Variants in SCHIP1 observed in about 807,000 individuals in gnomAD.
SCHIP1 encodes the protein schwannomin-interacting protein 1.
A neutral mutation model predicts 29.7 loss-of-function variants in SCHIP1; 8 were observed. The observed-to-expected ratio is 0.27, with a 90% CI of 0.16 to 0.49. SCHIP1 has a LOEUF of 0.49. Among genes scored for constraint, SCHIP1 ranks in the 20% least tolerant of loss-of-function variants. SCHIP1 has a pLI of 0.99. For synonymous variants in SCHIP1, 76 were observed against 94.9 expected (o/e 0.80, Z 1.16); for missense variants, 193 against 294.6 (o/e 0.66, Z 2.52).
the SCHIP1 span, among the ~76,000 whole-genome samples, chr3:159,834,379 A>T: frequency 1.3e-5 from 2 of 152,192 alleles, no homozygotes; most frequent in African/African-American, 4.8e-5. Flanking sequence ...AGCAAACAAA[A>T]TATTCGGAGG....
At chr3:159,385,275 C>G in the SCHIP1 span, among the ~76,000 whole-genome samples, 2 of 152,176 alleles carry the variant, frequency 1.3e-5, no homozygotes, top group Non-Finnish European at 2.9e-5. Context: ...AACAGTTGAA[C>G]AACCGCACAT....
chr3:159,515,334 T>G, the SCHIP1 span, among the ~76,000 whole-genome samples: 1 of 152,226 alleles, frequency 6.6e-6, no homozygotes, highest in African/African-American at 2.4e-5. Context: ...TTTGTCCTTT[T>G]GCCAGCATCC....
At chr3:159,387,471 G>T in the SCHIP1 span, 2 of 196,196 alleles carry the variant, frequency 1.0e-5, no homozygotes, top group East Asian at 1.6e-4. Flanking sequence ...AGACCCTCCC[G>T]CAGTCCTGGT....
chr3:159,793,809 C>T, the SCHIP1 span, among the ~76,000 whole-genome samples: 1 of 152,194 alleles, frequency 6.6e-6, no homozygotes, highest in Admixed American at 6.5e-5. Context: ...CCACTTGCCT[C>T]AGTATCTCAA....
the SCHIP1 span, among the ~76,000 whole-genome samples, chr3:159,805,937 T>G: frequency 6.6e-6 from 1 of 151,598 alleles, no homozygotes; most frequent in Non-Finnish European, 1.5e-5. Context: ...GCGTCCCGAG[T>G]AGCTGGGACT....
the SCHIP1 span, among the ~76,000 whole-genome samples, chr3:159,358,344 G>A: frequency 6.6e-6 from 1 of 152,212 alleles, no homozygotes; most frequent in Non-Finnish European, 1.5e-5. Flanking sequence ...CAGAACCACA[G>A]CAGGAAAAGG....
chr3:159,895,141 C>T (rs1316320134), intron 6 of SCHIP1, among the ~76,000 whole-genome samples: 1 of 152,196 alleles, frequency 6.6e-6, no homozygotes, highest in African/African-American at 2.4e-5. Context: ...TCTTGTTACA[C>T]ATCAACAGGG....
chr3:159,434,604 G>A, the SCHIP1 span, among the ~76,000 whole-genome samples: 1 of 152,084 alleles, frequency 6.6e-6, no homozygotes, highest in Non-Finnish European at 1.5e-5. Context: ...GGAGGCATGA[G>A]GAATTTCCAT....
chr3:159,784,011 G>T, the SCHIP1 span, among the ~76,000 whole-genome samples: 1 of 152,194 alleles, frequency 6.6e-6, no homozygotes. Context: ...TGCTTTGCAG[G>T]CAGGTCCAAG....
At chr3:159,584,266 G>A in the SCHIP1 span, among the ~76,000 whole-genome samples, 6 of 152,144 alleles carry the variant, frequency 3.9e-5, no homozygotes, top group African/African-American at 9.7e-5. Context: ...GATACACTGC[G>A]GAACTCCGGG....
the SCHIP1 span, among the ~76,000 whole-genome samples, chr3:159,424,916 C>T: frequency 6.6e-6 from 1 of 152,068 alleles, no homozygotes; most frequent in East Asian, 1.9e-4. Context: ...GATTTTCAAG[C>T]CAGAATTTCA....
At chr3:159,610,574 A>ATC in the SCHIP1 span, among the ~76,000 whole-genome samples, 12 of 152,184 alleles carry the variant, frequency 7.9e-5, no homozygotes, top group Admixed American at 7.2e-4. Context: ...TCATTAGGGT[A>ATC]TCTCTCTTTC....
chr3:159,569,745 T>C, the SCHIP1 span, among the ~76,000 whole-genome samples: 4 of 152,186 alleles, frequency 2.6e-5, no homozygotes, highest in African/African-American at 9.6e-5. Flanking sequence ...AATTGCCACA[T>C]TGTCTTCCAC....
the SCHIP1 span, among the ~76,000 whole-genome samples, chr3:159,608,093 G>T: frequency 1.3e-5 from 2 of 152,138 alleles, no homozygotes; most frequent in African/African-American, 4.8e-5. Flanking sequence ...GTGGGCTCAA[G>T]GCAAAGTTAT....
At chr3:159,844,520 C>T (rs1324794216) in intron 1 of SCHIP1, among the ~76,000 whole-genome samples, 1 of 152,160 alleles carries the variant, frequency 6.6e-6, no homozygotes, top group East Asian at 1.9e-4. Flanking sequence ...GGTCTTAGCC[C>T]TGTTAAAAGA....
the SCHIP1 span, among the ~76,000 whole-genome samples, chr3:159,293,336 C>G: frequency 1.3e-5 from 2 of 152,148 alleles, no homozygotes; most frequent in African/African-American, 4.8e-5. Flanking sequence ...GGGAAAACAT[C>G]TATTTTCAAA....
chr3:159,487,401 T>A, the SCHIP1 span, among the ~76,000 whole-genome samples: 6 of 152,138 alleles, frequency 3.9e-5, no homozygotes, highest in Non-Finnish European at 8.8e-5. Flanking sequence ...TTTTTGGATG[T>A]TCCCCACATT....
chr3:159,670,844 C>T, the SCHIP1 span, among the ~76,000 whole-genome samples: 1 of 151,832 alleles, frequency 6.6e-6, no homozygotes, highest in South Asian at 2.1e-4. Flanking sequence ...TAGTGTTCTC[C>T]CTCTCTTGCT....
the SCHIP1 span, among the ~76,000 whole-genome samples, chr3:159,595,613 C>CTT: frequency 2.6e-4 from 39 of 152,172 alleles, no homozygotes; most frequent in African/African-American, 8.7e-4. Context: ...GAGATGAAAA[C>CTT]TAGATTTTTA....
Sources: allele counts gnomAD v4.1 joint callset (sites outside exome capture counted in the v4.1 genomes callset), GRCh38; gene constraint gnomAD v4.1.1; transcripts MANE v1.5; gene names NCBI Gene and HGNC (gene_info 2026-07-23, HGNC 2026-07-21).